CIMAP2: variants seen among roughly 807,000 people sequenced by gnomAD.
CIMAP2 encodes ciliary microtubule-associated protein 2.
At chr1:54,829,952 G>A in the CIMAP2 span, among the ~76,000 whole-genome samples, 1 of 151,804 alleles carries the variant, frequency 6.6e-6, no homozygotes, top group Non-Finnish European at 1.5e-5. Context: ...CGAATGTCTG[G>A]TGATGCTTGG....
the CIMAP2 span, among the ~76,000 whole-genome samples, chr1:54,812,884 G>A: frequency 5.9e-5 from 9 of 152,246 alleles, 1 homozygote; most frequent in African/African-American, 2.2e-4. Flanking sequence ...AAAAATTATC[G>A]AGTGTGAGCA....
chr1:54,836,249 C>T, the CIMAP2 span, among the ~76,000 whole-genome samples: 1 of 151,868 alleles, frequency 6.6e-6, no homozygotes, highest in Non-Finnish European at 1.5e-5. Context: ...CTCTCCCTCC[C>T]TCCCCCTTCG....
the CIMAP2 span, among the ~76,000 whole-genome samples, chr1:54,820,063 CCCTATCTCCCTTCCTT>C: frequency 6.9e-6 from 1 of 143,964 alleles, no homozygotes; most frequent in Non-Finnish European, 1.5e-5. Flanking sequence ...TTCCCTCCCT[CCCTATCTCCCTTCCTT>C]CCTTCCCTCC....
the CIMAP2 span, among the ~76,000 whole-genome samples, chr1:54,817,468 G>GTCCAGT: frequency 6.6e-6 from 1 of 152,212 alleles, no homozygotes; most frequent in East Asian, 1.9e-4. Context: ...AGCCCATACG[G>GTCCAGT]TCCAGTCTCG....
chr1:54,833,646 G>A, the CIMAP2 span, among the ~76,000 whole-genome samples: 1 of 152,118 alleles, frequency 6.6e-6, no homozygotes, highest in African/African-American at 2.4e-5. Flanking sequence ...CTTCATAAAT[G>A]TGGTTGACTG....
chr1:54,842,017 C>A, the CIMAP2 span: 2 of 813,518 alleles, frequency 2.5e-6, no homozygotes, highest in Non-Finnish European at 3.9e-6. Context: ...GTATGGGGAT[C>A]ACCTTTGCCA....
the CIMAP2 span, among the ~76,000 whole-genome samples, chr1:54,812,603 C>T: frequency 3.0e-4 from 46 of 152,112 alleles, no homozygotes; most frequent in African/African-American, 1.1e-3. Flanking sequence ...TTAGGGCCAG[C>T]GCTGTTAACA....
At chr1:54,807,065 G>A in the CIMAP2 span, 5 of 1,613,840 alleles carry the variant, frequency 3.1e-6, no homozygotes, top group Non-Finnish European at 4.2e-6. Flanking sequence ...CATACTCCAC[G>A]CGTTATTCTA....
At chr1:54,807,138 C>G in the CIMAP2 span, 1 of 1,516,858 alleles carries the variant, frequency 6.6e-7, no homozygotes, top group Admixed American at 1.7e-5. Flanking sequence ...ACTGCCCCTT[C>G]GAGCTGCCTG....
chr1:54,832,623 G>A, the CIMAP2 span, among the ~76,000 whole-genome samples: 1 of 152,136 alleles, frequency 6.6e-6, no homozygotes, highest in South Asian at 2.1e-4. Flanking sequence ...CATGGCTTTA[G>A]TTGTTTTAAT....
chr1:54,815,569 C>T, the CIMAP2 span, among the ~76,000 whole-genome samples: 2 of 152,156 alleles, frequency 1.3e-5, no homozygotes, highest in Non-Finnish European at 2.9e-5. Context: ...TCTCTTCCTT[C>T]TCTCCAGAGG....
the CIMAP2 span, among the ~76,000 whole-genome samples, chr1:54,830,158 T>TA: frequency 1.3e-5 from 2 of 152,256 alleles, no homozygotes; most frequent in African/African-American, 4.8e-5. This position sits in a 1 kb window ranked among gnomAD's most constrained non-coding sequence, Gnocchi z 4.1. Context: ...GGGAAAAGGC[T>TA]ACAGTTCTCA....
At chr1:54,832,691 C>CA in the CIMAP2 span, among the ~76,000 whole-genome samples, 6 of 151,314 alleles carry the variant, frequency 4.0e-5, no homozygotes, top group East Asian at 1.9e-4. Flanking sequence ...TAAGTTTAAA[C>CA]AAAAAAAATC....
At chr1:54,833,419 C>CG in the CIMAP2 span, among the ~76,000 whole-genome samples, 1 of 152,100 alleles carries the variant, frequency 6.6e-6, no homozygotes, top group African/African-American at 2.4e-5. Context: ...TTGATCCAGG[C>CG]GGGGGAGTGC....
the CIMAP2 span, chr1:54,811,765 G>GCGGGGGGGGGGGCCCCCCC: frequency 7.7e-7 from 1 of 1,301,314 alleles, no homozygotes; most frequent in Non-Finnish European, 1.1e-6. Flanking sequence ...GGTTCTGACA[G>GCGGGGGGGGGGGCCCCCCC]CCTCCATGCC....
the CIMAP2 span, among the ~76,000 whole-genome samples, chr1:54,808,612 C>CG: frequency 1.3e-4 from 9 of 67,328 alleles, 1 homozygote; most frequent in East Asian, 3.4e-4. Context: ...CAGGTGCTGC[C>CG]GGGGGAGGGC....
the CIMAP2 span, chr1:54,841,982 C>T: frequency 2.6e-6 from 3 of 1,161,244 alleles, no homozygotes; most frequent in Admixed American, 6.4e-5. Flanking sequence ...AGAAAGGACA[C>T]ATGGGCTTGG....
the CIMAP2 span, chr1:54,841,827 G>T: frequency 6.4e-7 from 1 of 1,559,842 alleles, no homozygotes; most frequent in Admixed American, 1.9e-5. Flanking sequence ...TTTACTAAGG[G>T]AAAGTGCCCT....
the CIMAP2 span, chr1:54,811,860 G>C: frequency 1.9e-6 from 3 of 1,602,560 alleles, no homozygotes; most frequent in African/African-American, 1.4e-5. Flanking sequence ...GGAGGAGAAT[G>C]CCTGGAACCG....
Sources: gnomAD v4.1 joint callset for allele counts (sites outside exome capture counted in the v4.1 genomes callset) on GRCh38, gnomAD v4.1.1 for gene constraint, Gnocchi (gnomAD v3.1) non-coding constraint, MANE v1.5 for transcripts, NCBI Gene and HGNC (gene_info 2026-07-23, HGNC 2026-07-21) for gene names.